The following CNBD1 variants were observed in gnomAD, a reference collection of about 807,000 sequenced individuals.
CNBD1 encodes cyclic nucleotide binding domain containing 1, also known as cyclic nucleotide-binding domain-containing protein 1.
In CNBD1, 71 loss-of-function variants were observed where a neutral mutation model predicts 54.4. The ratio of observed to expected loss-of-function variants is 1.30; its 90% confidence interval spans 1.08 to 1.59. The LOEUF (loss-of-function observed/expected upper bound fraction) is 1.59, where lower values mean the gene tolerates loss of function less well. Ranked by LOEUF, CNBD1 falls within the 40% of genes most tolerant of loss-of-function variation. The pLI, the probability that CNBD1 is intolerant of heterozygous loss-of-function variation, is 0.00. For synonymous variants in CNBD1, 182 were observed against 170.7 expected (o/e 1.07, Z -0.51); for missense variants, 659 against 518.0 (o/e 1.27, Z -2.64).
chr8:87,216,398 A>G (rs185492596), intron 5 of CNBD1, among the ~76,000 whole-genome samples: 20 of 152,322 alleles, frequency 1.3e-4, no homozygotes, highest in Admixed American at 1.2e-3. Context: ...TCATACACGT[A>G]CACTACACAA....
chr8:87,073,079 G>A (rs1055024301), intron 4 of CNBD1, among the ~76,000 whole-genome samples: 1 of 151,252 alleles, frequency 6.6e-6, no homozygotes, highest in Non-Finnish European at 1.5e-5. Flanking sequence ...CAAGTTCTGC[G>A]ATTCCTTCCT....
rs1281136864 is a variant in CNBD1 at position 87,182,002 on chromosome 8, G to A, written c.432-23991G>A. On this transcript the variant is annotated intron_variant, in intron 4 of 10. Coordinates refer to ENST00000518476, the MANE Select transcript of CNBD1 (RefSeq NM_173538.3). This position sits in a 1 kb window ranked among gnomAD's most constrained non-coding sequence, Gnocchi z 4.1. The stretch of plus-strand genomic sequence containing the variant: ...CACATGATTTTGTCACCCAGGTAGT[G>A]AGCATAGTATCTGATAGGTAGTTTT... Among the ~76,000 whole-genome samples, 1 of 152,134 alleles carries A rather than the reference G, an allele frequency of 6.6e-6. No homozygotes were observed. Among genetic ancestry groups the A allele is most frequent in the Admixed American group, 6.5e-5 (1 of 15,270 alleles).
At chr8:87,296,173 C>T (rs1276941788) in intron 8 of CNBD1, among the ~76,000 whole-genome samples, 2 of 152,034 alleles carry the variant, frequency 1.3e-5, no homozygotes, top group African/African-American at 4.8e-5. Context: ...AATAAAGAAG[C>T]AATTCGTATT....
chr8:87,369,756 A>G (rs1409736331), intron 10 of CNBD1, among the ~76,000 whole-genome samples: 1 of 151,740 alleles, frequency 6.6e-6, no homozygotes, highest in Non-Finnish European at 1.5e-5. Context: ...TTTAAGTTTT[A>G]GGGTACATGT....
chr8:86,870,889 C>T (rs1808434424), intron 1 of CNBD1, among the ~76,000 whole-genome samples: 1 of 151,990 alleles, frequency 6.6e-6, no homozygotes. Flanking sequence ...ATGTTTGTGT[C>T]CATTTCTGTG....
rs1172899035 is a variant in CNBD1 at position 86,969,153 on chromosome 8, G to T, written c.431+29399G>T. 2.0e-5 allele frequency among the ~76,000 whole-genome samples: 3 copies of T among 151,502 alleles called. No individual in the cohort carries two copies. In the East Asian group the frequency reaches 5.8e-4, roughly 29 times the overall value. ...ATTTTCCTTTCACAACTTATTTACT[G>T]TTTTTTTTCTCTGCATTTTCTCATT... On this transcript the variant is annotated intron_variant, in intron 4 of 10. Transcript: ENST00000518476.
Position 87,219,817 on chromosome 8 carries a change from C to T in CNBD1, c.577+13679C>T, listed in dbSNP as rs187999520. On this transcript the variant is annotated intron_variant, in intron 5 of 10. Coordinates refer to ENST00000518476, the MANE Select transcript of CNBD1 (RefSeq NM_173538.3). ...AGTCACATGCTTATACAATCACTTA[C>T]GGGAATAATAAGAGTTAACTATATT... Among the ~76,000 whole-genome samples the T allele has an allele frequency of 3.5e-3, 530 of 152,010 alleles. 4 individuals carry two copies. Among genetic ancestry groups the T allele is most frequent in the African/African-American group, 0.012 (506 of 41,530 alleles).
chr8:86,902,446 G>T (rs1423598299), intron 2 of CNBD1, among the ~76,000 whole-genome samples: 1 of 151,992 alleles, frequency 6.6e-6, no homozygotes, highest in Admixed American at 6.6e-5. Context: ...TGGTCTTAAG[G>T]GTGAGGTCAC....
intron 1 of CNBD1, among the ~76,000 whole-genome samples, chr8:86,884,023 G>A (rs1211220791): frequency 1.3e-5 from 2 of 151,170 alleles, no homozygotes; most frequent in Non-Finnish European, 1.5e-5. Context: ...GTAGTGGCGG[G>A]CGCCTGTAGT....
chr8:86,986,149 C>G (rs924551061), intron 4 of CNBD1, among the ~76,000 whole-genome samples: 1 of 152,020 alleles, frequency 6.6e-6, no homozygotes, highest in Non-Finnish European at 1.5e-5. Context: ...AGCCTGGTCT[C>G]GAACTCCTGA....
chr8:87,205,375 G>T (rs1813951019), intron 4 of CNBD1, among the ~76,000 whole-genome samples: 1 of 152,076 alleles, frequency 6.6e-6, no homozygotes, highest in Non-Finnish European at 1.5e-5. Flanking sequence ...AGCTAGGTTA[G>T]TCCTTTGAGA....
chr8:87,391,365 C>T lies in CNBD1; in HGVS notation c.214-37181C>T, dbSNP rs558284033. On this transcript the variant is annotated intron_variant, in intron 2 of 7. Transcript: ENST00000521593. ...TATTTTCAGAAAGCCACAAGCTAAT[C>T]CTAAAATTCGTATGGAAACACAAGA... 9.9e-5 allele frequency among the ~76,000 whole-genome samples: 15 copies of T among 152,176 alleles called. No individual in the cohort carries two copies. In the East Asian group the frequency reaches 2.9e-3, roughly 29 times the overall value.
intron 3 of CNBD1, among the ~76,000 whole-genome samples, chr8:86,914,783 A>G (rs1260215627): frequency 6.6e-6 from 1 of 152,328 alleles, no homozygotes; most frequent in Non-Finnish European, 1.5e-5. Flanking sequence ...TCTAAAGTGC[A>G]CTCTCAGAAA....
chr8:87,054,401 C>T (rs1810372168), intron 4 of CNBD1, among the ~76,000 whole-genome samples: 1 of 152,222 alleles, frequency 6.6e-6, no homozygotes, highest in Admixed American at 6.5e-5. Flanking sequence ...ATATTCCCCC[C>T]ATCCAACCCC....
intron 4 of CNBD1, among the ~76,000 whole-genome samples, chr8:86,960,197 C>G (rs1462844710): frequency 6.6e-6 from 1 of 152,140 alleles, no homozygotes; most frequent in African/African-American, 2.4e-5. Flanking sequence ...TCGCCTCACC[C>G]AGGAAGCACA....
intron 3 of CNBD1, among the ~76,000 whole-genome samples, chr8:86,907,224 T>A (rs1288952815): frequency 6.6e-6 from 1 of 152,222 alleles, no homozygotes; most frequent in African/African-American, 2.4e-5. Context: ...GGAGATTCAC[T>A]GAAATCTCTA....
intron 4 of CNBD1, among the ~76,000 whole-genome samples, chr8:87,015,818 TA>T (rs1809342785): frequency 6.6e-6 from 1 of 151,788 alleles, no homozygotes; most frequent in African/African-American, 2.4e-5. Context: ...CCATCTCTAC[TA>T]ACAGTACAAA....
chr8:87,249,858 A>G (rs1807878299), intron 6 of CNBD1, among the ~76,000 whole-genome samples: 1 of 152,194 alleles, frequency 6.6e-6, no homozygotes, highest in African/African-American at 2.4e-5. Context: ...CTTAAATATA[A>G]AACTTCAAAC....
At chr8:86,998,453 A>T (rs968584792) in intron 4 of CNBD1, among the ~76,000 whole-genome samples, 7 of 152,270 alleles carry the variant, frequency 4.6e-5, no homozygotes, top group African/African-American at 1.7e-4. Flanking sequence ...ATAGATCTTG[A>T]AAAGGACACT....
Sources: allele counts gnomAD v4.1 joint callset (sites outside exome capture counted in the v4.1 genomes callset), GRCh38; gene constraint gnomAD v4.1.1; non-coding constraint Gnocchi (gnomAD v3.1); transcripts MANE v1.5; gene names NCBI Gene and HGNC (gene_info 2026-07-23, HGNC 2026-07-21).